BMPR1A: variants seen among roughly 807,000 people sequenced by gnomAD.
BMPR1A encodes the protein bone morphogenetic protein receptor type 1A.
BMPR1A carries 7 observed loss-of-function variants against 66.0 expected under a neutral mutation model. The ratio of observed to expected loss-of-function variants is 0.11; its 90% CI spans 0.06 to 0.20. The LOEUF is 0.20. Among genes scored for constraint, BMPR1A ranks in the 10% least tolerant of loss-of-function variants. The pLI is 1.00. For missense variants in BMPR1A, 408 were observed against 669.1 expected, an observed-to-expected ratio of 0.61 and a Z score of 4.31; for synonymous variants, 200 against 229.7, an observed-to-expected ratio of 0.87 and a Z score of 1.17.
At chr10:86,807,668 C>T (rs1301635799) in intron 1 of BMPR1A, among the ~76,000 whole-genome samples, 1 of 152,234 alleles carries the variant, frequency 6.6e-6, no homozygotes, top group Non-Finnish European at 1.5e-5. Context: ...CAGGCATATG[C>T]CACCATGCCC....
intron 1 of BMPR1A, among the ~76,000 whole-genome samples, chr10:86,832,510 T>C (rs976949785): frequency 6.6e-6 from 1 of 151,994 alleles, no homozygotes; most frequent in African/African-American, 2.4e-5. Context: ...GTAGGCACAC[T>C]TAAATTTTTT....
chr10:86,811,337 C>T (rs567304248), intron 1 of BMPR1A, among the ~76,000 whole-genome samples: 1 of 152,288 alleles, frequency 6.6e-6, no homozygotes, highest in East Asian at 1.9e-4. Context: ...CCACTCCCGG[C>T]CAGAAGCACA....
At chr10:86,929,579 A>T (rs773796350), downstream of BMPR1A, 7 of 152,244 alleles carry the variant, frequency 4.6e-5, no homozygotes, top group Non-Finnish European at 1.0e-4. Flanking sequence ...TGCGTGTCTG[A>T]AGATAGCCTC....
intron 1 of BMPR1A, among the ~76,000 whole-genome samples, chr10:86,800,461 GGCTCACC>G (rs1321977138): frequency 6.6e-6 from 1 of 152,116 alleles, no homozygotes; most frequent in East Asian, 1.9e-4. Context: ...ATGTGAAATC[GGCTCACC>G]GCAACCTCCG....
intron 1 of BMPR1A, among the ~76,000 whole-genome samples, chr10:86,765,371 G>A (rs746044692): frequency 6.7e-6 from 1 of 149,936 alleles, no homozygotes; most frequent in Non-Finnish European, 1.5e-5. Context: ...GTAATCCCAG[G>A]TACTCAGGAG....
At chr10:86,874,564 C>T (rs1056310861) in intron 2 of BMPR1A, among the ~76,000 whole-genome samples, 2 of 151,870 alleles carry the variant, frequency 1.3e-5, no homozygotes, top group African/African-American at 2.4e-5. Flanking sequence ...TGCCACCACA[C>T]CTGGCTAATT....
chr10:86,884,394 ATTTTTTTTTTTTTTTTTTTTTT>A (rs759424209), intron 3 of BMPR1A, among the ~76,000 whole-genome samples: 11 of 49,342 alleles, frequency 2.2e-4, no homozygotes, highest in Admixed American at 9.3e-4. Context: ...CAAACACATG[ATTTTTTTTTTTTTTTTTTTTTT>A]TTTTTTTTTT....
At position 86,917,875 on chromosome 10, in the gene BMPR1A, A is replaced by G. The variant is rs1018695382; in HGVS notation, c.868+549A>G. ...CCCATAGCATGTTGCCAAGCAGGCA[A>G]TTGTATTAGTTTCCTAGGGCTGCTG... On this transcript the variant is annotated intron_variant, in intron 9 of 12. Transcript: ENST00000372037. 3.3e-5 allele frequency among the ~76,000 whole-genome samples: 5 copies of G among 152,146 alleles called. No individual in the cohort carries two copies. In the East Asian group the frequency reaches 5.8e-4, roughly 18 times the overall value.
At chr10:86,861,136 T>C (rs893748590) in intron 2 of BMPR1A, among the ~76,000 whole-genome samples, 4 of 152,134 alleles carry the variant, frequency 2.6e-5, no homozygotes, top group African/African-American at 7.2e-5. Context: ...CCACCGCGCC[T>C]GGCCTAGAAC....
chr10:86,864,599 A>G (rs915073441), intron 2 of BMPR1A, among the ~76,000 whole-genome samples: 2 of 152,276 alleles, frequency 1.3e-5, no homozygotes, highest in African/African-American at 2.4e-5. Context: ...ACCTAAATCA[A>G]TCTGGCCTAG....
At chr10:86,808,983 C>T (rs1016557097) in intron 1 of BMPR1A, among the ~76,000 whole-genome samples, 4 of 152,134 alleles carry the variant, frequency 2.6e-5, no homozygotes, top group African/African-American at 9.7e-5. Context: ...ATAATCCTGT[C>T]TTGGAACAAA....
At chr10:86,877,112 G>T (rs1206777529) in intron 3 of BMPR1A, among the ~76,000 whole-genome samples, 1 of 152,024 alleles carries the variant, frequency 6.6e-6, no homozygotes, top group Non-Finnish European at 1.5e-5. Context: ...TACTTCACAG[G>T]TTGCTTTTTC....
chr10:86,799,335 A>T (rs1274231372), intron 1 of BMPR1A, among the ~76,000 whole-genome samples: 2 of 152,188 alleles, frequency 1.3e-5, no homozygotes, highest in African/African-American at 4.8e-5. Context: ...TTCACAAGGT[A>T]ATTTAGGCTT....
At chr10:86,791,680 A>ACTTC (rs759218188) in intron 1 of BMPR1A, among the ~76,000 whole-genome samples, 10,932 of 101,926 alleles carry the variant, frequency 0.11, 1,072 homozygotes, top group African/African-American at 0.17. Context: ...TTCCTTCTTT[A>ACTTC]CTTCCTTCCT....
chr10:86,890,320 T>C, intron 4 of BMPR1A, 96 bp downstream of exon 4: 1 of 1,470,396 alleles, frequency 6.8e-7, no homozygotes, highest in Non-Finnish European at 9.5e-7. Flanking sequence ...GGTTTTTTTT[T>C]CATTCATATA....
Position 86,919,462 on chromosome 10 carries a change from T to A in BMPR1A, c.1159T>A (p.Phe387Ile). 1 of 1,613,520 alleles carries A rather than the reference T, an allele frequency of 6.2e-7. No homozygotes were observed. Among genetic ancestry groups the A allele is most frequent in the Non-Finnish European group, 8.5e-7 (1 of 1,179,872 alleles). ...CIADLGLAVK[F>I]NSDTNEVDVP... ...TGCTGACCTGGGCCTTGCTGTTAAA[T>A]TCAACAGGTGAGTGGTTCTTTGCCC... Residue 387 changes from phenylalanine to isoleucine, a missense_variant, in exon 10 of 13, where the codon TTC becomes ATC. This residue lies in a region of BMPR1A where 130 missense variants were observed against 257.3 expected (regional missense o/e 0.51). Coordinates refer to ENST00000372037, the MANE Select transcript of BMPR1A (RefSeq NM_004329.3).
intron 1 of BMPR1A, among the ~76,000 whole-genome samples, chr10:86,825,496 T>TGTGA (rs1842181420): frequency 6.8e-6 from 1 of 147,578 alleles, no homozygotes; most frequent in Non-Finnish European, 1.5e-5. Flanking sequence ...TGTGTGTGTG[T>TGTGA]GACAGGGTCT....
intron 3 of BMPR1A, among the ~76,000 whole-genome samples, chr10:86,887,644 T>C (rs552957607): frequency 2.0e-4 from 30 of 152,204 alleles, no homozygotes; most frequent in Non-Finnish European, 3.7e-4. Context: ...CTTGCTGTTA[T>C]CTCAAGTGAT....
At chr10:86,836,825 C>T (rs371621363) in intron 1 of BMPR1A, among the ~76,000 whole-genome samples, 2 of 151,948 alleles carry the variant, frequency 1.3e-5, no homozygotes, top group Admixed American at 6.6e-5. Flanking sequence ...CCCAGCTACT[C>T]GGGAGGCTGA....
Sources: allele counts gnomAD v4.1 joint callset (sites outside exome capture counted in the v4.1 genomes callset), GRCh38; gene constraint gnomAD v4.1.1; regional missense constraint gnomAD v4.1.1; transcripts MANE v1.5; gene names NCBI Gene and HGNC (gene_info 2026-07-23, HGNC 2026-07-21).